Variants in RNF4 observed in about 807,000 individuals in gnomAD.
The protein encoded by RNF4 is ring finger protein 4.
Under a neutral mutation model 24.3 loss-of-function variants are expected in RNF4, and 7 were observed. That is an observed-to-expected ratio of 0.29 (90% CI 0.16 to 0.54). The LOEUF is 0.54. RNF4 is among the 20% of genes least tolerant of loss of function. RNF4 has a pLI of 0.95. For synonymous variants in RNF4, 83 were observed against 84.3 expected (o/e 0.98, Z 0.09); for missense variants, 209 against 248.5 (o/e 0.84, Z 1.07).
At chr4:2,486,218 G>A (rs941356600) in intron 1 of RNF4, among the ~76,000 whole-genome samples, 3 of 152,272 alleles carry the variant, frequency 2.0e-5, no homozygotes, top group South Asian at 2.1e-4. Flanking sequence ...TTTAGGAAGC[G>A]CAGTGCCTTG....
chr4:2,494,627 G>C (rs1424695364), intron 2 of RNF4: 1 of 152,040 alleles, frequency 6.6e-6, no homozygotes, highest in Non-Finnish European at 1.5e-5. Flanking sequence ...TGATCCGCCC[G>C]CCTCAGCCTC....
intron 1 of RNF4, among the ~76,000 whole-genome samples, chr4:2,478,152 A>C (rs924813422): frequency 1.3e-5 from 2 of 152,202 alleles, no homozygotes; most frequent in African/African-American, 4.8e-5. Flanking sequence ...GAACTTGAGA[A>C]AGATGATTTA....
Position 2,515,456 on chromosome 4 carries a change from G to A in RNF4, c.*1637G>A, listed in dbSNP as rs747084191. The A allele has an allele frequency of 6.6e-6, 1 of 152,422 alleles. No homozygotes were observed. Among genetic ancestry groups the A allele is most frequent in the South Asian group, 2.1e-4 (1 of 4,824 alleles). 9.4% of individuals were successfully genotyped at this position (152,422 alleles called of 1,614,324 possible). A position where few individuals can be genotyped will look rare whatever the true frequency, so the allele number is the denominator to read the frequency against. On this transcript the variant is annotated 3_prime_UTR_variant, in exon 8 of 8. Transcript: ENST00000314289. Reference sequence around the variant, plus strand: ...TGTGTAGCATGTCTGCCCTCTGACTGGACATCATTGCCATTAACTTTCTTC... The same window carrying A: ...TGTGTAGCATGTCTGCCCTCTGACTAGACATCATTGCCATTAACTTTCTTC...
In RNF4 at chr4:2,512,653, T is replaced by G; in HGVS notation, c.374+56T>G. On this transcript the variant is annotated intron_variant, in intron 6 of 7. Transcript: ENST00000314289. The surrounding 1 kb of genome is among the most constrained non-coding windows in gnomAD (Gnocchi z 4.1). Reference sequence around the variant, plus strand: ...CATGCTAGGATGTGGGGCCAGGGCATGGGAATACTTTTCAGCAAATCTGTG... The same window carrying G: ...CATGCTAGGATGTGGGGCCAGGGCAGGGGAATACTTTTCAGCAAATCTGTG... 1.9e-6 allele frequency: 3 copies of G among 1,588,324 alleles called. No homozygotes were observed. The highest frequency in any genetic ancestry group is 3.5e-5 in the Admixed American group (2 of 56,742).
At chr4:2,499,288 T>C (rs753124356) in intron 3 of RNF4, 7 of 452,170 alleles carry the variant, frequency 1.5e-5, no homozygotes, top group Middle Eastern at 6.8e-4. Flanking sequence ...GTTTTGTTGT[T>C]GTTGTTGTTT....
At chr4:2,475,335 G>A (rs1735036644) in intron 1 of RNF4, among the ~76,000 whole-genome samples, 1 of 150,090 alleles carries the variant, frequency 6.7e-6, no homozygotes, top group African/African-American at 2.4e-5. Context: ...CTGGCTTTTT[G>A]TTTGTTTGTT....
intron 2 of RNF4, among the ~76,000 whole-genome samples, chr4:2,494,947 G>A (rs1228154882): frequency 1.3e-5 from 2 of 152,192 alleles, no homozygotes; most frequent in African/African-American, 2.4e-5. Context: ...TTGCTTTTAA[G>A]AGAAGTTACT....
chr4:2,476,612 C>T (rs1308847459), intron 1 of RNF4, among the ~76,000 whole-genome samples: 3 of 151,772 alleles, frequency 2.0e-5, no homozygotes, highest in South Asian at 2.1e-4. Context: ...CAGCCTGTCT[C>T]GAACTCCTGA....
intron 1 of RNF4, among the ~76,000 whole-genome samples, chr4:2,478,889 A>G (rs545051617): frequency 1.3e-5 from 2 of 152,196 alleles, no homozygotes; most frequent in Non-Finnish European, 2.9e-5. Flanking sequence ...CCCCAGAATG[A>G]TAGATCCACT....
At chr4:2,503,203 C>G (rs1735969486) in intron 4 of RNF4, among the ~76,000 whole-genome samples, 1 of 152,270 alleles carries the variant, frequency 6.6e-6, no homozygotes, top group Middle Eastern at 3.4e-3. Flanking sequence ...GACTAAGCTG[C>G]TCTTGCTAAA....
At chr4:2,505,768 C>T (rs1736082850) in intron 4 of RNF4, 1 of 106,960 alleles carries the variant, frequency 9.3e-6, no homozygotes, top group Non-Finnish European at 1.7e-5. Context: ...CGGTTTCTCA[C>T]TGTCACTCAG....
In RNF4 at chr4:2,512,569, G is replaced by C; in HGVS notation, c.346G>C (p.Ala116Pro). Residue 116 changes from alanine (A) to proline (P), a missense_variant, in exon 6 of 8, where the codon GCC becomes CCC. Around this residue, in one of 3 missense-constraint regions of RNF4, gnomAD observed 182 missense variants for 197.2 expected, o/e 0.92. Coordinates refer to ENST00000314289, the MANE Select transcript of RNF4 (RefSeq NM_002938.5). The surrounding 1 kb of genome is among the most constrained non-coding windows in gnomAD (Gnocchi z 4.1). Reference sequence around the variant, plus strand: ...TGTGACTACCCATACTCCCAGAAACGCCAGGGATGAGGGCGCTACAGGCCT... The same window carrying C: ...TGTGACTACCCATACTCCCAGAAACCCCAGGGATGAGGGCGCTACAGGCCT... ...VYVTTHTPRN[A>P]RDEGATGLRP... is the part of the protein sequence containing the mutation. 1 of 1,613,848 alleles carries C rather than the reference G, an allele frequency of 6.2e-7. No homozygotes were observed. The highest frequency in any genetic ancestry group is 2.2e-5 in the East Asian group (1 of 44,888).
chr4:2,481,736 C>T (rs1735249163), intron 1 of RNF4, among the ~76,000 whole-genome samples: 1 of 152,040 alleles, frequency 6.6e-6, no homozygotes, highest in Admixed American at 6.6e-5. Flanking sequence ...AAGACAGAGT[C>T]TCGCTCTATC....
chr4:2,493,783 A>G (rs1432332811), intron 2 of RNF4, among the ~76,000 whole-genome samples: 1 of 150,392 alleles, frequency 6.6e-6, no homozygotes, highest in East Asian at 1.9e-4. Context: ...CTACAAGGGA[A>G]GGAGCCTATA....
chr4:2,476,458 G>A (rs565142232), intron 1 of RNF4, among the ~76,000 whole-genome samples: 2 of 152,200 alleles, frequency 1.3e-5, no homozygotes, highest in East Asian at 1.9e-4. Flanking sequence ...ACAGTGGCAC[G>A]ATCTCAGCAC....
chr4:2,472,085 C>T (rs764919095), intron 1 of RNF4, among the ~76,000 whole-genome samples: 7 of 152,130 alleles, frequency 4.6e-5, no homozygotes, highest in Non-Finnish European at 7.3e-5. Flanking sequence ...CAATGCCTGG[C>T]TTCAAAGGAC....
chr4:2,506,558 T>C (rs1350765741), intron 4 of RNF4, among the ~76,000 whole-genome samples: 1 of 151,696 alleles, frequency 6.6e-6, no homozygotes, highest in East Asian at 2.0e-4. Flanking sequence ...TTGTTTTTTT[T>C]CTTCTTCTTC....
At position 2,500,752 on chromosome 4, in the gene RNF4, T is replaced by A; in HGVS notation, c.204+14T>A. On this transcript the variant is annotated intron_variant, in intron 4 of 7. Coordinates refer to ENST00000314289, the MANE Select transcript of RNF4 (RefSeq NM_002938.5). ...GACTCTGTTGTGGTAAGTGTTGGAG[T>A]GTGAGAGTCGGCTGTTTCTTGGGTA... The A allele has an allele frequency of 6.2e-7, 1 of 1,613,160 alleles. No homozygotes were observed. Among genetic ancestry groups the A allele is most frequent in the Non-Finnish European group, 8.5e-7 (1 of 1,179,438 alleles).
chr4:2,485,148 T>G (rs1735368121), intron 1 of RNF4, among the ~76,000 whole-genome samples: 1 of 152,128 alleles, frequency 6.6e-6, no homozygotes, highest in Non-Finnish European at 1.5e-5. Flanking sequence ...CCCGGCTTGA[T>G]CCTCAGCGCG....
Sources: allele counts gnomAD v4.1 joint callset (sites outside exome capture counted in the v4.1 genomes callset), GRCh38; gene constraint gnomAD v4.1.1; regional missense constraint gnomAD v4.1.1; non-coding constraint Gnocchi (gnomAD v3.1); transcripts MANE v1.5; gene names NCBI Gene and HGNC (gene_info 2026-07-23, HGNC 2026-07-21).